HIRA: variants seen among roughly 807,000 people sequenced by gnomAD.
HIRA encodes protein HIRA.
A neutral mutation model predicts 126.6 loss-of-function variants in HIRA; 13 were observed. That is an observed-to-expected ratio of 0.10 (90% confidence interval 0.07 to 0.16). The LOEUF is 0.16. Ranked by LOEUF, HIRA falls within the 10% of genes least tolerant of loss-of-function variation. The pLI, the probability that HIRA is intolerant of heterozygous loss-of-function variation, is 1.00. For synonymous variants in HIRA, 511 were observed against 520.0 expected (o/e 0.98, Z 0.24); for missense variants, 834 against 1,314.4 (o/e 0.63, Z 5.65).
rs529323995 is a variant in HIRA at position 19,342,345 on chromosome 22, T to C, written c.2937+9013A>G. Among the ~76,000 whole-genome samples, 20 of 152,272 alleles carry C rather than the reference T, an allele frequency of 1.3e-4. No individual in the cohort carries two copies. In the South Asian group the frequency reaches 3.7e-3, roughly 28 times the overall value. ...TGGTGAAAAGGGAACACTTTTACAC[T>C]GCTGGTGGGAATGTAAACTAGTACA... On this transcript the variant is annotated intron_variant, in intron 24 of 24. Transcript: ENST00000263208.
intron 1 of HIRA, among the ~76,000 whole-genome samples, chr22:19,420,475 AAAAAAAC>A (rs1352192449): frequency 2.3e-5 from 3 of 131,150 alleles, no homozygotes; most frequent in Non-Finnish European, 5.3e-5. Flanking sequence ...AAAAAAAAAA[AAAAAAAC>A]CAAACCAAAA....
chr22:19,404,214 T>G lies in HIRA; in HGVS notation c.397+1572A>C, dbSNP rs982799636. On this transcript the variant is annotated intron_variant, in intron 5 of 24. Coordinates refer to ENST00000263208, the MANE Select transcript of HIRA (RefSeq NM_003325.4). ...ATTGATTTTTCTTCTTGAATGGTTC[T>G]GCCTGCACCTGCTACCAGGACCAGT... Among the ~76,000 whole-genome samples the G allele has an allele frequency of 3.5e-4, 54 of 152,346 alleles. 1 individual carries two copies. The highest frequency in any genetic ancestry group is 1.3e-3 in the African/African-American group (54 of 41,582).
At position 19,352,181 on chromosome 22, in the gene HIRA, C is replaced by T. The variant is rs138192675; in HGVS notation, c.2849-735G>A. The stretch of plus-strand genomic sequence containing the variant: ...GGAGGGTGGGTAACTGGTGTATGGA[C>T]ACTAGAACAGGCAGGTGGAAGATGG... On this transcript the variant is annotated intron_variant, in intron 23 of 24. Transcript: ENST00000263208. 2.6e-5 allele frequency among the ~76,000 whole-genome samples: 4 copies of T among 151,868 alleles called. No individual in the cohort carries two copies. In the East Asian group the frequency reaches 7.8e-4, roughly 30 times the overall value.
chr22:19,414,956 T>TTTATTTAC (rs924193613), intron 1 of HIRA, among the ~76,000 whole-genome samples: 1 of 151,982 alleles, frequency 6.6e-6, no homozygotes, highest in African/African-American at 2.4e-5. Flanking sequence ...TATTTATTTA[T>TTTATTTAC]TTATTTTGAG....
chr22:19,346,323 G>A (rs192201924), intron 24 of HIRA, among the ~76,000 whole-genome samples: 24 of 152,366 alleles, frequency 1.6e-4, no homozygotes, highest in African/African-American at 5.3e-4. Flanking sequence ...CTGGGTGACA[G>A]AGAGAGACTT....
chr22:19,392,242 T>C, intron 8 of HIRA, 28 bp from the exon 9 acceptor site: 1 of 1,434,740 alleles, frequency 7.0e-7, no homozygotes, highest in South Asian at 1.2e-5. Flanking sequence ...ATGTTAAAAA[T>C]AATTAATCAA....
At chr22:19,333,542 G>A (rs2088520324) in intron 24 of HIRA, among the ~76,000 whole-genome samples, 1 of 152,142 alleles carries the variant, frequency 6.6e-6, no homozygotes, top group Non-Finnish European at 1.5e-5. Flanking sequence ...CCCACAGTTT[G>A]ACTAATGTGT....
At chr22:19,350,683 A>G (rs1481045811) in intron 24 of HIRA, among the ~76,000 whole-genome samples, 1 of 149,300 alleles carries the variant, frequency 6.7e-6, no homozygotes, top group East Asian at 2.0e-4. Context: ...CTCTGTGCCA[A>G]CTCTGCCAAG....
chr22:19,361,793 T>C lies in HIRA; in HGVS notation c.1914A>G (p.Val638=), dbSNP rs1398924554. ...KRKLELEVET[V]EKKKKGRPRK... ...GAGGCCGCCCTTTCTTCTTCTTCTCTACTGTCTCTACCTCAAGCTCAAGTT... is the reference window on the plus strand; with the variant it reads ...GAGGCCGCCCTTTCTTCTTCTTCTCCACTGTCTCTACCTCAAGCTCAAGTT... The change falls in exon 16 of 25, where the codon GTA becomes GTG. Residue 638 remains valine (V), a synonymous_variant. Coordinates refer to ENST00000263208, the MANE Select transcript of HIRA (RefSeq NM_003325.4). 1 of 1,613,968 alleles carries C rather than the reference T, an allele frequency of 6.2e-7. No individual in the cohort carries two copies. Among genetic ancestry groups the C allele is most frequent in the South Asian group, 1.1e-5 (1 of 91,066 alleles).
At chr22:19,382,825 T>G (rs2089088135) in intron 13 of HIRA, among the ~76,000 whole-genome samples, 1 of 151,488 alleles carries the variant, frequency 6.6e-6, no homozygotes, top group African/African-American at 2.4e-5. Flanking sequence ...AATAACCAAT[T>G]CAAAAACAAT....
intron 24 of HIRA, among the ~76,000 whole-genome samples, chr22:19,344,852 A>G (rs1361907905): frequency 2.0e-5 from 3 of 152,238 alleles, no homozygotes; most frequent in Admixed American, 6.5e-5. Context: ...ACTGTAATAC[A>G]TCACATTAAT....
intron 15 of HIRA, among the ~76,000 whole-genome samples, chr22:19,366,969 G>A (rs755381403): frequency 3.3e-5 from 5 of 152,056 alleles, no homozygotes; most frequent in Non-Finnish European, 7.4e-5. Flanking sequence ...CACCATGTTG[G>A]CCAAGCTGGT....
At chr22:19,367,884 C>T (rs1190520749) in intron 15 of HIRA, among the ~76,000 whole-genome samples, 2 of 152,176 alleles carry the variant, frequency 1.3e-5, no homozygotes, top group African/African-American at 4.8e-5. Context: ...AGAGGGGCGC[C>T]TGTACTTTGG....
chr22:19,351,849 C>T lies in HIRA; in HGVS notation c.2849-403G>A, dbSNP rs541169975. On this transcript the variant is annotated intron_variant, in intron 23 of 24. Transcript: ENST00000263208. This position sits in a 1 kb window ranked among gnomAD's most constrained non-coding sequence, Gnocchi z 4.8. ...GGGGAGGTCAGGAGGGTGGGACGGC[C>T]AGCCCGCAGGAGGTAAGAGATGGCA... 1.6e-4 allele frequency among the ~76,000 whole-genome samples: 24 copies of T among 152,126 alleles called. No individual in the cohort carries two copies. Among genetic ancestry groups the T allele is most frequent in the African/African-American group, 5.5e-4 (23 of 41,498 alleles).
chr22:19,429,176 T>C lies in HIRA; in HGVS notation c.37+2264A>G, dbSNP rs149199442. ...TTTTTTTTGAGATGGAGTCTCACTG[T>C]CATCAGGCTGGAGTGCAGTGGCGCG... On this transcript the variant is annotated intron_variant, in intron 1 of 24. Transcript: ENST00000263208. Among the ~76,000 whole-genome samples, 270 of 132,828 alleles carry C rather than the reference T, an allele frequency of 2.0e-3. 2 individuals are homozygous for C. In the East Asian group the frequency reaches 0.021, roughly 10 times the overall value. The allele number at this position is 132,828 out of a possible 152,430, so 87.1% of individuals were successfully genotyped here.
At chr22:19,334,061 G>A (rs1253149321) in intron 24 of HIRA, among the ~76,000 whole-genome samples, 6 of 149,830 alleles carry the variant, frequency 4.0e-5, no homozygotes, top group South Asian at 4.2e-4. Flanking sequence ...TGCAAGCTCC[G>A]CCTCCTGGGT....
intron 1 of HIRA, among the ~76,000 whole-genome samples, chr22:19,413,641 T>G (rs1341131165): frequency 7.0e-6 from 1 of 142,998 alleles, no homozygotes; most frequent in African/African-American, 2.5e-5. Flanking sequence ...AGACAGAGTT[T>G]CGCTCTGTCG....
In HIRA at chr22:19,351,569, C is replaced by T. The variant is rs782785624; in HGVS notation, c.2849-123G>A. The T allele has an allele frequency of 1.3e-4, 100 of 761,628 alleles. No homozygotes were observed. The highest frequency in any genetic ancestry group is 3.3e-4 in the Admixed American group (13 of 39,590). 47.2% of individuals were successfully genotyped at this position (761,628 alleles called of 1,614,324 possible). ...TCTATCAAATCAGAATAAACACATG[C>T]GTATTTTATTGCCTACTATGGGCAA... On this transcript the variant is annotated intron_variant, in intron 23 of 24. Coordinates refer to ENST00000263208, the MANE Select transcript of HIRA (RefSeq NM_003325.4). This position sits in a 1 kb window ranked among gnomAD's most constrained non-coding sequence, Gnocchi z 4.8.
chr22:19,360,026 G>A (rs1029694085), intron 17 of HIRA, among the ~76,000 whole-genome samples: 1 of 152,186 alleles, frequency 6.6e-6, no homozygotes, highest in Non-Finnish European at 1.5e-5. Context: ...TGGCAGGGGT[G>A]TTTATGGCAC....
Sources: allele counts gnomAD v4.1 joint callset (sites outside exome capture counted in the v4.1 genomes callset), GRCh38; gene constraint gnomAD v4.1.1; non-coding constraint Gnocchi (gnomAD v3.1); transcripts MANE v1.5; gene names NCBI Gene and HGNC (gene_info 2026-07-23, HGNC 2026-07-21).